Variants in LINGO2 observed in about 807,000 individuals in gnomAD.
LINGO2 encodes leucine rich repeat and Ig domain containing 2, also known as leucine-rich repeat and immunoglobulin-like domain-containing nogo receptor-interacting protein 2.
A neutral mutation model predicts 30.6 loss-of-function variants in LINGO2; 14 were observed. The observed-to-expected ratio is 0.46, with a 90% CI of 0.30 to 0.72. The LOEUF is 0.72. Among genes scored for constraint, LINGO2 ranks in the 30% least tolerant of loss-of-function variants. The pLI, the probability that LINGO2 is intolerant of heterozygous loss-of-function variation, is 0.07. For missense variants in LINGO2, 729 were observed against 751.7 expected (o/e 0.97, Z 0.35); for synonymous variants, 317 against 288.5 (o/e 1.10, Z -1.00).
chr9:28,904,835 A>T, the LINGO2 span, among the ~76,000 whole-genome samples: 1 of 152,008 alleles, frequency 6.6e-6, no homozygotes, highest in Non-Finnish European at 1.5e-5. Flanking sequence ...AATAGAAAAA[A>T]AATACTAAAA....
chr9:28,907,256 T>A, the LINGO2 span, among the ~76,000 whole-genome samples: 1,390 of 151,964 alleles, frequency 9.1e-3, 29 homozygotes, highest in African/African-American at 0.032. Flanking sequence ...AGTGAAATGG[T>A]CAAGGAAGAC....
At chr9:28,290,133 T>C (rs955968046) in intron 4 of LINGO2, among the ~76,000 whole-genome samples, 16 of 152,026 alleles carry the variant, frequency 1.1e-4, no homozygotes, top group Admixed American at 9.8e-4. Context: ...CTGAGAGAAG[T>C]TAAGTAATTT....
intron 5 of LINGO2, among the ~76,000 whole-genome samples, chr9:27,965,327 C>G (rs900219203): frequency 6.6e-6 from 1 of 151,046 alleles, no homozygotes; most frequent in Non-Finnish European, 1.5e-5. Flanking sequence ...TTATACTTCT[C>G]TCATGCTTTA....
At chr9:28,233,049 T>TATATATATATATAC (rs1821420873) in intron 4 of LINGO2, among the ~76,000 whole-genome samples, 1 of 118,590 alleles carries the variant, frequency 8.4e-6, no homozygotes, top group African/African-American at 3.5e-5. Context: ...TATATATATA[T>TATATATATATATAC]ATATATATAT....
At chr9:28,033,128 G>A (rs1429020379) in intron 4 of LINGO2, among the ~76,000 whole-genome samples, 1 of 152,170 alleles carries the variant, frequency 6.6e-6, no homozygotes, top group Non-Finnish European at 1.5e-5. Context: ...CTTTACTTAC[G>A]TTGTTAGTTG....
At chr9:28,617,144 T>C (rs1051147287) in intron 1 of LINGO2, among the ~76,000 whole-genome samples, 3 of 152,118 alleles carry the variant, frequency 2.0e-5, no homozygotes, top group Admixed American at 1.3e-4. Context: ...ATTTAGCTAA[T>C]AACATATTAA....
chr9:28,561,773 ATATATAT>A (rs1470915479), intron 1 of LINGO2, among the ~76,000 whole-genome samples: 1 of 118,930 alleles, frequency 8.4e-6, no homozygotes, highest in Non-Finnish European at 1.7e-5. Context: ...ATATATATAT[ATATATAT>A]AAAAAATATG....
At chr9:28,489,498 A>C (rs1236829872) in intron 1 of LINGO2, among the ~76,000 whole-genome samples, 1 of 152,106 alleles carries the variant, frequency 6.6e-6, no homozygotes, top group Non-Finnish European at 1.5e-5. Context: ...TGTGGCTAAA[A>C]AAGGGCTTGT....
chr9:28,223,031 A>G (rs1257663263), intron 4 of LINGO2, among the ~76,000 whole-genome samples: 2 of 152,180 alleles, frequency 1.3e-5, no homozygotes, highest in Non-Finnish European at 2.9e-5. Context: ...TCACCTGAAA[A>G]GGAGAATAGA....
intron 5 of LINGO2, among the ~76,000 whole-genome samples, chr9:27,973,254 G>C (rs776853000): frequency 1.1e-4 from 16 of 152,144 alleles, no homozygotes; most frequent in Non-Finnish European, 1.9e-4. Flanking sequence ...GTCATTGTTG[G>C]CTTAAAGCAG....
rs1828729042 is a variant in LINGO2 at position 28,175,611 on chromosome 9, T to C, written c.-87+119597A>G. On this transcript the variant is annotated intron_variant, in intron 4 of 5. Coordinates refer to ENST00000379992, the Ensembl canonical transcript of LINGO2. ...TATATGCCAATATTGGGAACTCTGTTCCAAAATGTAATGACTACGAGATAT... is the reference window on the plus strand; with the variant it reads ...TATATGCCAATATTGGGAACTCTGTCCCAAAATGTAATGACTACGAGATAT... 2.0e-5 allele frequency among the ~76,000 whole-genome samples: 3 copies of C among 152,138 alleles called. No homozygotes were observed. In the South Asian group the frequency reaches 6.2e-4, roughly 32 times the overall value.
the LINGO2 span, among the ~76,000 whole-genome samples, chr9:29,182,779 A>T: frequency 6.6e-6 from 1 of 152,146 alleles, no homozygotes; most frequent in Non-Finnish European, 1.5e-5. Flanking sequence ...TGGCATCAGA[A>T]GACAACTCTA....
the LINGO2 span, among the ~76,000 whole-genome samples, chr9:28,837,552 C>T: frequency 1.3e-5 from 2 of 149,482 alleles, no homozygotes; most frequent in Non-Finnish European, 3.0e-5. Context: ...GAGGCTGAGG[C>T]AGGAGAATTG....
At chr9:28,758,201 G>A in the LINGO2 span, among the ~76,000 whole-genome samples, 1 of 152,040 alleles carries the variant, frequency 6.6e-6, no homozygotes, top group Admixed American at 6.5e-5. Context: ...ACTTTCTCAT[G>A]TAGCTCAGTA....
intron 1 of LINGO2, among the ~76,000 whole-genome samples, chr9:28,626,083 T>A (rs2135851086): frequency 6.6e-6 from 1 of 152,270 alleles, no homozygotes; most frequent in African/African-American, 2.4e-5. Context: ...AATGCCAAAA[T>A]TTGTATTCTC....
intron 2 of LINGO2, among the ~76,000 whole-genome samples, chr9:28,386,927 G>T (rs1413554682): frequency 6.6e-6 from 1 of 152,146 alleles, no homozygotes; most frequent in East Asian, 1.9e-4. Context: ...TGAAGATATA[G>T]TAAGAATGTT....
chr9:28,239,073 A>G (rs780079962), intron 4 of LINGO2, among the ~76,000 whole-genome samples: 20 of 152,018 alleles, frequency 1.3e-4, no homozygotes, highest in Non-Finnish European at 2.7e-4. Flanking sequence ...ATCTACAACC[A>G]ACCAAGATTG....
At chr9:29,129,935 T>A in the LINGO2 span, among the ~76,000 whole-genome samples, 2 of 152,114 alleles carry the variant, frequency 1.3e-5, no homozygotes, top group Admixed American at 1.3e-4. Context: ...TTGGATATGG[T>A]CTGTGTAAGT....
chr9:27,974,479 C>T (rs1041407457), intron 5 of LINGO2, among the ~76,000 whole-genome samples: 3 of 152,070 alleles, frequency 2.0e-5, no homozygotes, highest in Non-Finnish European at 4.4e-5. Context: ...ATTGAGTCAC[C>T]AAAGGCCTGC....
Sources: gnomAD v4.1 joint callset for allele counts (sites outside exome capture counted in the v4.1 genomes callset) on GRCh38, gnomAD v4.1.1 for gene constraint, MANE v1.5 for transcripts, NCBI Gene and HGNC (gene_info 2026-07-23, HGNC 2026-07-21) for gene names.